The following TAFA5 variants were observed in gnomAD, a reference collection of about 807,000 sequenced individuals.
The protein encoded by TAFA5 is TAFA chemokine like family member 5, also known as chemokine-like protein TAFA-5.
In TAFA5, 6 loss-of-function variants were observed where a neutral mutation model predicts 15.3. The observed-to-expected ratio is 0.39, with a 90% CI of 0.21 to 0.77. The LOEUF is 0.77. TAFA5 is among the 30% of genes least tolerant of loss of function. The probability of loss-of-function intolerance (pLI) is 0.41; values close to 1 mark genes in which losing one functional copy is unlikely to be tolerated. For synonymous variants in TAFA5, 103 were observed against 80.7 expected (o/e 1.28, Z -1.48); for missense variants, 161 against 193.1 (o/e 0.83, Z 0.98).
At chr22:48,681,977 C>T (rs556661154) in intron 2 of TAFA5, among the ~76,000 whole-genome samples, 1 of 96,180 alleles carries the variant, frequency 1.0e-5, no homozygotes, top group African/African-American at 3.2e-5. Context: ...GTCAAGCAGA[C>T]GTTGTTGTGG....
intron 1 of TAFA5, among the ~76,000 whole-genome samples, chr22:48,527,484 A>T (rs1189565069): frequency 6.6e-6 from 1 of 152,228 alleles, no homozygotes; most frequent in Non-Finnish European, 1.5e-5. Context: ...GCAGCTGCCC[A>T]GAGACAGCCG....
intron 3 of TAFA5, among the ~76,000 whole-genome samples, chr22:48,740,161 C>T (rs977010091): frequency 2.6e-5 from 4 of 152,122 alleles, no homozygotes; most frequent in Admixed American, 2.6e-4. Flanking sequence ...AATGGATGCT[C>T]GAGGCTTTTC....
intron 1 of TAFA5, among the ~76,000 whole-genome samples, chr22:48,627,316 C>T (rs900262093): frequency 2.0e-5 from 3 of 152,264 alleles, no homozygotes; most frequent in Admixed American, 1.3e-4. Flanking sequence ...GTCTCCGTCA[C>T]TGTCCCCGGA....
chr22:48,732,930 A>G (rs1216254669), intron 3 of TAFA5, among the ~76,000 whole-genome samples: 2 of 152,208 alleles, frequency 1.3e-5, no homozygotes, highest in Non-Finnish European at 2.9e-5. Flanking sequence ...GATGATCCTT[A>G]GCATTTTTAG....
chr22:48,745,052 G>A (rs570892723), intron 3 of TAFA5, among the ~76,000 whole-genome samples: 4 of 152,296 alleles, frequency 2.6e-5, no homozygotes, highest in South Asian at 4.1e-4. Flanking sequence ...CACTGCGCCC[G>A]GCAGGAGTGG....
chr22:48,573,263 C>A (rs985374911), intron 1 of TAFA5, among the ~76,000 whole-genome samples: 5 of 152,226 alleles, frequency 3.3e-5, no homozygotes, highest in African/African-American at 1.2e-4. Context: ...TGGTTCCCAC[C>A]ACAGTTTTTT....
At chr22:48,660,753 C>G (rs1403249652) in intron 2 of TAFA5, among the ~76,000 whole-genome samples, 1 of 152,224 alleles carries the variant, frequency 6.6e-6, no homozygotes, top group Non-Finnish European at 1.5e-5. Context: ...GCGTGGCCCT[C>G]TCCCAGGCCG....
chr22:48,585,269 A>G (rs533959556), intron 1 of TAFA5, among the ~76,000 whole-genome samples: 5 of 151,154 alleles, frequency 3.3e-5, no homozygotes, highest in African/African-American at 4.9e-5. Flanking sequence ...ATAATATACC[A>G]CCTAACCACA....
rs145202249 is a variant in TAFA5, at chr22:48,639,089, A to G, written c.113-7508A>G. Reference sequence around the variant, plus strand: ...AGGCCCCAGCTCAGAGATGGTGCCCATGCAGGTGGGCAGGACAGGCTGAGG... The same window carrying G: ...AGGCCCCAGCTCAGAGATGGTGCCCGTGCAGGTGGGCAGGACAGGCTGAGG... On this transcript the variant is annotated intron_variant, in intron 1 of 3. Transcript: ENST00000402357. 1.3e-3 allele frequency among the ~76,000 whole-genome samples: 196 copies of G among 152,306 alleles called. 1 individual carries two copies. Among genetic ancestry groups the G allele is most frequent in the East Asian group, 4.5e-3 (23 of 5,158 alleles).
chr22:48,639,589 C>T (rs556650125), intron 1 of TAFA5, among the ~76,000 whole-genome samples: 1 of 152,266 alleles, frequency 6.6e-6, no homozygotes, highest in South Asian at 2.1e-4. Context: ...GAGTGGCTCC[C>T]TTTGTCACAC....
chr22:48,525,354 T>C (rs1921744246), intron 1 of TAFA5, among the ~76,000 whole-genome samples: 1 of 152,120 alleles, frequency 6.6e-6, no homozygotes. Context: ...TGGGATACGC[T>C]GAGGGCTTGG....
At chr22:48,540,142 T>C (rs1229241884) in intron 1 of TAFA5, among the ~76,000 whole-genome samples, 1 of 152,180 alleles carries the variant, frequency 6.6e-6, no homozygotes, top group African/African-American at 2.4e-5. Context: ...ACTTGTGCCT[T>C]CTTGGGTCTA....
chr22:48,511,272 TC>T (rs1270315878), intron 1 of TAFA5, among the ~76,000 whole-genome samples: 1 of 152,118 alleles, frequency 6.6e-6, no homozygotes, highest in African/African-American at 2.4e-5. Flanking sequence ...CAGTCTGGAA[TC>T]CCACAGGAAA....
chr22:48,508,727 A>T (rs1921101969), intron 1 of TAFA5, among the ~76,000 whole-genome samples: 1 of 152,078 alleles, frequency 6.6e-6, no homozygotes, highest in Non-Finnish European at 1.5e-5. Flanking sequence ...GCAGTGTGAT[A>T]TTTCAACACA....
chr22:48,583,167 A>C (rs1175718154), intron 1 of TAFA5, among the ~76,000 whole-genome samples: 1 of 149,044 alleles, frequency 6.7e-6, no homozygotes, highest in Non-Finnish European at 1.5e-5. Flanking sequence ...AATATACCAC[A>C]CACCACACAC....
At chr22:48,496,240 G>T (rs1284070005) in intron 1 of TAFA5, among the ~76,000 whole-genome samples, 1 of 152,112 alleles carries the variant, frequency 6.6e-6, no homozygotes, top group Non-Finnish European at 1.5e-5. Flanking sequence ...TGAGCTTGGG[G>T]CATGGCTGCT....
intron 2 of TAFA5, among the ~76,000 whole-genome samples, chr22:48,703,551 C>T (rs1180941167): frequency 6.6e-6 from 1 of 152,254 alleles, no homozygotes; most frequent in African/African-American, 2.4e-5. Flanking sequence ...GCATCCTAGC[C>T]TGACCGAGAG....
chr22:48,543,406 G>T (rs1922534506), intron 1 of TAFA5: 1 of 152,202 alleles, frequency 6.6e-6, no homozygotes, highest in Admixed American at 6.5e-5. Context: ...CTCTCTGGAG[G>T]AAATGTCACC....
At chr22:48,654,221 G>T (rs1601646263) in intron 2 of TAFA5, among the ~76,000 whole-genome samples, 1 of 152,122 alleles carries the variant, frequency 6.6e-6, no homozygotes, top group African/African-American at 2.4e-5. Flanking sequence ...CCAACCAGGA[G>T]AGCCAAGAGG....
Sources: allele counts gnomAD v4.1 joint callset (sites outside exome capture counted in the v4.1 genomes callset), GRCh38; gene constraint gnomAD v4.1.1; transcripts MANE v1.5; gene names NCBI Gene and HGNC (gene_info 2026-07-23, HGNC 2026-07-21).